The following SUB1 variants were observed in gnomAD, a reference collection of about 807,000 sequenced individuals.
The protein encoded by SUB1 is activated RNA polymerase II transcriptional coactivator p15.
Under a neutral mutation model 16.9 loss-of-function variants are expected in SUB1, and 1 was observed. That is an observed-to-expected ratio of 0.06 (90% CI 0.02 to 0.28). The LOEUF is 0.28. Among genes scored for constraint, SUB1 ranks in the 10% least tolerant of loss-of-function variants. SUB1 has a pLI of 1.00. For synonymous variants in SUB1, 51 were observed against 46.9 expected, an observed-to-expected ratio of 1.09 and a Z score of -0.36; for missense variants, 84 against 145.2, an observed-to-expected ratio of 0.58 and a Z score of 2.16.
chr5:32,599,185 T>A, intron 4 of SUB1, 116 bp downstream of exon 4: 1 of 696,072 alleles, frequency 1.4e-6, no homozygotes, highest in Non-Finnish European at 2.5e-6. Context: ...CTTACTCAAT[T>A]GATTCTCTAT....
intron 1 of SUB1, chr5:32,585,844 C>A: frequency 6.5e-6 from 1 of 152,698 alleles, no homozygotes; most frequent in Non-Finnish European, 1.5e-5. Context: ...GACTCCTGTC[C>A]CCGGGGAGCC....
intron 4 of SUB1, 109 bp from the exon 5 acceptor site, chr5:32,600,896 C>A (rs192974506): frequency 2.3e-5 from 22 of 961,012 alleles, no homozygotes; most frequent in Non-Finnish European, 3.1e-5. Flanking sequence ...TGAGCCACCG[C>A]GCCCAGCCTA....
At position 32,591,721 on chromosome 5, in the gene SUB1, C is replaced by T. The variant is rs200049444; in HGVS notation, c.195+36C>T. On this transcript the variant is annotated intron_variant, in intron 3 of 4. Coordinates refer to ENST00000265073, the MANE Select transcript of SUB1 (RefSeq NM_006713.4). Reference sequence around the variant, plus strand: ...CTATTTTTTTTTTTTTTTTTTTTGACATGGAGTCATGCTCTGTCACCCAGG... The same window carrying T: ...CTATTTTTTTTTTTTTTTTTTTTGATATGGAGTCATGCTCTGTCACCCAGG... 9.6e-6 allele frequency: 12 copies of T among 1,248,524 alleles called. No homozygotes were observed. In the East Asian group the frequency reaches 1.6e-4, roughly 17 times the overall value. The allele number at this position is 1,248,524 out of a possible 1,614,324, so 77.3% of individuals were successfully genotyped here. A position where few individuals can be genotyped will look rare whatever the true frequency, so the allele number is the denominator to read the frequency against.
chr5:32,590,591 T>G (rs1426337084), intron 2 of SUB1, among the ~76,000 whole-genome samples: 1 of 149,254 alleles, frequency 6.7e-6, no homozygotes, highest in East Asian at 2.0e-4. Context: ...TGTAAATTCC[T>G]TTTTTTTTAA....
At chr5:32,590,013 T>G (rs906428121) in intron 2 of SUB1, among the ~76,000 whole-genome samples, 2 of 152,204 alleles carry the variant, frequency 1.3e-5, no homozygotes, top group African/African-American at 4.8e-5. Flanking sequence ...GTAAATTTCT[T>G]AATTTTAAAA....
Position 32,591,698 on chromosome 5 carries a change from ATTTTTTTT to A in SUB1, c.195+26_195+33del, listed in dbSNP as rs567336710. 13 of 1,384,514 alleles carry A rather than the reference ATTTTTTTT, an allele frequency of 9.4e-6. No homozygotes were observed. The highest frequency in any genetic ancestry group is 6.5e-5 in the South Asian group (4 of 61,246). 85.8% of individuals were successfully genotyped at this position (1,384,514 alleles called of 1,614,324 possible). ...TAACATGTTTCAGGTAAAGTTGGCT[ATTTTTTTT>A]TTTTTTTTTTTTGACATGGAGTCAT... is the stretch of plus-strand genomic sequence containing the variant. On this transcript the variant is annotated intron_variant, in intron 3 of 4. Transcript: ENST00000265073.
At chr5:32,600,224 ACT>A (rs1328373452) in intron 4 of SUB1, among the ~76,000 whole-genome samples, 1 of 152,082 alleles carries the variant, frequency 6.6e-6, no homozygotes, top group Admixed American at 6.5e-5. Flanking sequence ...ACCCGGGTAT[ACT>A]CTCTGAGGAG....
At chr5:32,588,424 C>T in intron 1 of SUB1, 88 bp from the exon 2 acceptor site, 6 of 1,205,322 alleles carry the variant, frequency 5.0e-6, no homozygotes, top group Non-Finnish European at 5.8e-6. Context: ...GGAACTTGTC[C>T]TTGATTTTTT....
Position 32,602,163 on chromosome 5 carries a change from G to GT in SUB1, c.*1080dup. 2.2e-6 allele frequency: 1 copy of GT among 450,856 alleles called. No individual in the cohort carries two copies. The highest frequency in any genetic ancestry group is 1.6e-5 in the South Asian group (1 of 63,466). 27.9% of individuals were successfully genotyped at this position (450,856 alleles called of 1,614,324 possible). A position where few individuals can be genotyped will look rare whatever the true frequency, so the allele number is the denominator to read the frequency against. ...TGATACTAAGTTTTAGCAGACACTA[G>GT]TAAGTGGTTTGTATTTAACCATACT... On this transcript the variant is annotated 3_prime_UTR_variant, in exon 5 of 5. Transcript: ENST00000265073.
At chr5:32,600,813 C>T (rs1739096465) in intron 4 of SUB1, among the ~76,000 whole-genome samples, 192 bp from the exon 5 acceptor site, 1 of 152,064 alleles carries the variant, frequency 6.6e-6, no homozygotes, top group Non-Finnish European at 1.5e-5. Context: ...CATGTTGGGC[C>T]AGGCTGGTCT....
At chr5:32,599,413 A>G (rs1342519100) in intron 4 of SUB1, among the ~76,000 whole-genome samples, 1 of 152,232 alleles carries the variant, frequency 6.6e-6, no homozygotes, top group Non-Finnish European at 1.5e-5. Flanking sequence ...CTTGGTTTAC[A>G]ATGCTTCCTT....
chr5:32,589,225 A>G (rs909115147), intron 2 of SUB1, among the ~76,000 whole-genome samples: 1 of 151,982 alleles, frequency 6.6e-6, no homozygotes, highest in Non-Finnish European at 1.5e-5. Context: ...AGTAGCTGGG[A>G]CTACAGGCAT....
chr5:32,591,064 C>T (rs1021405009), intron 2 of SUB1, among the ~76,000 whole-genome samples: 11 of 152,140 alleles, frequency 7.2e-5, no homozygotes, highest in South Asian at 2.1e-4. Flanking sequence ...CTACCGCGCC[C>T]GGCCCATAAA....
At position 32,588,497 on chromosome 5, in the gene SUB1, G is replaced by T. The variant is rs112663289; in HGVS notation, c.-1-15G>T. On this transcript the variant is annotated splice_polypyrimidine_tract_variant and intron_variant, in intron 1 of 4. Coordinates refer to ENST00000265073, the MANE Select transcript of SUB1 (RefSeq NM_006713.4). ...GTACCTTATTAATTATTTTTGTAAT[G>T]TATTTTTCTTTCAGGATGCCTAAAT... is the stretch of plus-strand genomic sequence containing the variant. The T allele has an allele frequency of 1.9e-6, 3 of 1,608,198 alleles. No homozygotes were observed. Among genetic ancestry groups the T allele is most frequent in the East Asian group, 2.2e-5 (1 of 44,806 alleles).
At chr5:32,591,519 G>A (rs1561033900) in intron 2 of SUB1, 44 bp from the exon 3 acceptor site, 1 of 1,554,012 alleles carries the variant, frequency 6.4e-7, no homozygotes, top group South Asian at 1.2e-5. Flanking sequence ...ACTGGGGTAT[G>A]TTTTATTTTT....
intron 3 of SUB1, among the ~76,000 whole-genome samples, chr5:32,594,373 C>A (rs962765903): frequency 1.3e-5 from 2 of 152,144 alleles, no homozygotes; most frequent in Non-Finnish European, 2.9e-5. Context: ...ATAGTTGAGG[C>A]AGGAAACTTT....
intron 3 of SUB1, chr5:32,596,268 G>GC (rs1034616478): frequency 1.6e-4 from 25 of 152,172 alleles, no homozygotes; most frequent in African/African-American, 6.0e-4. Context: ...CCACGGTTCT[G>GC]CTTCTTCCTC....
chr5:32,590,762 ATT>A (rs70961652), intron 2 of SUB1, among the ~76,000 whole-genome samples: 43 of 33,974 alleles, frequency 1.3e-3, no homozygotes, highest in South Asian at 2.3e-3. Flanking sequence ...CGCCTGGCTA[ATT>A]TTTTTTTTTT....
intron 4 of SUB1, among the ~76,000 whole-genome samples, chr5:32,599,468 A>G (rs142542669): frequency 9.6e-4 from 146 of 152,332 alleles, no homozygotes; most frequent in African/African-American, 3.4e-3. Context: ...TTACTCTTCA[A>G]GCGGATCTCT....
Sources: allele counts gnomAD v4.1 joint callset (sites outside exome capture counted in the v4.1 genomes callset), GRCh38; gene constraint gnomAD v4.1.1; transcripts MANE v1.5; gene names NCBI Gene and HGNC (gene_info 2026-07-23, HGNC 2026-07-21).